Variants in FAM81A observed in about 807,000 individuals in gnomAD.
The protein encoded by FAM81A is protein FAM81A.
FAM81A carries 19 observed loss-of-function variants against 46.7 expected under a neutral mutation model. That is an observed-to-expected ratio of 0.41 (90% CI 0.28 to 0.60). The LOEUF (loss-of-function observed/expected upper bound fraction) is 0.60. Ranked by LOEUF, FAM81A falls within the 20% of genes least tolerant of loss-of-function variation. FAM81A has a pLI of 0.34. For missense variants in FAM81A, 377 were observed against 453.5 expected (o/e 0.83, Z 1.53); for synonymous variants, 183 against 152.9 (o/e 1.20, Z -1.45).
intron 4 of FAM81A, among the ~76,000 whole-genome samples, chr15:59,500,029 T>C (rs2082075082): frequency 6.6e-6 from 1 of 151,674 alleles, no homozygotes; most frequent in Non-Finnish European, 1.5e-5. Context: ...ATTTATGTAT[T>C]GTTGGTCGAG....
chr15:59,484,376 A>G (rs1229688530), intron 3 of FAM81A, among the ~76,000 whole-genome samples: 1 of 152,182 alleles, frequency 6.6e-6, no homozygotes, highest in African/African-American at 2.4e-5. Flanking sequence ...TCTACAAAAT[A>G]AAGCACCTTC....
intron 1 of FAM81A, among the ~76,000 whole-genome samples, chr15:59,445,729 G>A (rs1375332563): frequency 1.3e-5 from 2 of 152,206 alleles, no homozygotes; most frequent in African/African-American, 4.8e-5. Flanking sequence ...AGAGCACACA[G>A]AATCGTGCTT....
At chr15:59,445,234 C>G (rs2081341833) in intron 1 of FAM81A, 1 of 152,182 alleles carries the variant, frequency 6.6e-6, no homozygotes, top group African/African-American at 2.4e-5. Flanking sequence ...AAGACATTCT[C>G]TCTGGATGAA....
chr15:59,505,757 C>T (rs2082142728), intron 4 of FAM81A, among the ~76,000 whole-genome samples: 1 of 152,154 alleles, frequency 6.6e-6, no homozygotes. Flanking sequence ...GCAATGACGT[C>T]TGGGAAGTAT....
At chr15:59,474,648 C>T (rs1276718617) in intron 3 of FAM81A, among the ~76,000 whole-genome samples, 1 of 152,158 alleles carries the variant, frequency 6.6e-6, no homozygotes, top group Non-Finnish European at 1.5e-5. Flanking sequence ...TCAGCAAATA[C>T]TTATTAAGTG....
In FAM81A at chr15:59,460,086, T is replaced by C. The variant is rs767401501; in HGVS notation, c.174T>C (p.Ile58=). The C allele has an allele frequency of 6.2e-7, 1 of 1,613,882 alleles. No homozygotes were observed. The highest frequency in any genetic ancestry group is 1.1e-5 in the South Asian group (1 of 91,074). ...VEHAFRIKDD[I]VNSLQKMQNK... ...ACGCCTTTCGGATTAAAGATGACAT[T>C]GTCAACAGTTTGCAGAAAATGCAAA... The change falls in exon 3 of 9, where the codon ATT becomes ATC. Residue 58 remains isoleucine (I), a synonymous_variant. Transcript: ENST00000288228. This position sits in a 1 kb window ranked among gnomAD's most constrained non-coding sequence, Gnocchi z 4.4.
intron 4 of FAM81A, among the ~76,000 whole-genome samples, chr15:59,502,574 C>CA (rs2082105220): frequency 6.6e-6 from 1 of 151,496 alleles, no homozygotes; most frequent in African/African-American, 2.4e-5. Context: ...AGTGCAATGG[C>CA]GCGATCTCGG....
intron 2 of FAM81A, among the ~76,000 whole-genome samples, chr15:59,409,614 G>A (rs771600342): frequency 4.6e-5 from 7 of 152,044 alleles, no homozygotes; most frequent in African/African-American, 9.7e-5. Flanking sequence ...CAAGACAGAC[G>A]TGAAAAAAAG....
intron 3 of FAM81A, among the ~76,000 whole-genome samples, chr15:59,465,840 C>T (rs1172146809): frequency 1.3e-5 from 2 of 152,084 alleles, no homozygotes; most frequent in South Asian, 2.1e-4. Context: ...TGCTATCCCG[C>T]CCCCAGCCCC....
chr15:59,443,688 T>G (rs1237188703), intron 1 of FAM81A, among the ~76,000 whole-genome samples: 1 of 152,204 alleles, frequency 6.6e-6, no homozygotes, highest in African/African-American at 2.4e-5. Context: ...TTATTCTGAC[T>G]TTCTGTTCCT....
intron 1 of FAM81A, among the ~76,000 whole-genome samples, chr15:59,457,160 C>A (rs931093303): frequency 3.9e-5 from 6 of 152,188 alleles, no homozygotes; most frequent in Admixed American, 2.6e-4. Context: ...CAACCATGGT[C>A]AAAAATATTA....
At chr15:59,511,095 CAAAA>C (rs1324983523) in intron 6 of FAM81A, among the ~76,000 whole-genome samples, 3 of 151,240 alleles carry the variant, frequency 2.0e-5, no homozygotes, top group African/African-American at 7.3e-5. Flanking sequence ...GACTCCATCT[CAAAA>C]AAAGAAAACG....
chr15:59,421,786 T>C (rs62015054), intron 2 of FAM81A, among the ~76,000 whole-genome samples: 25,652 of 142,594 alleles, frequency 0.18, 2,904 homozygotes, highest in South Asian at 0.34. Context: ...TATCTATCTA[T>C]CTATCTACCT....
At chr15:59,417,964 T>G (rs552039239) in intron 2 of FAM81A, among the ~76,000 whole-genome samples, 1 of 152,010 alleles carries the variant, frequency 6.6e-6, no homozygotes, top group Non-Finnish European at 1.5e-5. Flanking sequence ...ATGTTCCCCT[T>G]CCTGTGTCCA....
Position 59,492,976 on chromosome 15 carries a change from G to C in FAM81A, c.413+587G>C, listed in dbSNP as rs117910370. Among the ~76,000 whole-genome samples the C allele has an allele frequency of 6.6e-3, 1,012 of 152,258 alleles. 6 individuals carry two copies. The highest frequency in any genetic ancestry group is 0.011 in the Non-Finnish European group (734 of 68,012). On this transcript the variant is annotated intron_variant, in intron 4 of 8. Coordinates refer to ENST00000288228, the MANE Select transcript of FAM81A (RefSeq NM_152450.3). ...TGAATTCATATGCATGGGAAAGTCC[G>C]GGAAGCACTGTACCAGGACTGTGTC... is the stretch of plus-strand genomic sequence containing the variant.
chr15:59,406,737 C>T (rs1165324432), intron 2 of FAM81A, among the ~76,000 whole-genome samples: 4 of 152,132 alleles, frequency 2.6e-5, no homozygotes, highest in Admixed American at 6.5e-5. Flanking sequence ...GAAATGAAAT[C>T]ATCCTGCACG....
At chr15:59,484,697 G>T (rs532754842) in intron 3 of FAM81A, among the ~76,000 whole-genome samples, 1 of 152,218 alleles carries the variant, frequency 6.6e-6, no homozygotes. Context: ...TTTCACAGCC[G>T]TGGTGGCTGT....
upstream of FAM81A, among the ~76,000 whole-genome samples, chr15:59,435,546 G>A (rs2081239596): frequency 6.6e-6 from 1 of 152,214 alleles, no homozygotes; most frequent in Non-Finnish European, 1.5e-5. Flanking sequence ...CCTGAACCCA[G>A]GAGGCAGAGG....
chr15:59,432,565 G>C (rs2081225153), intron 2 of FAM81A, among the ~76,000 whole-genome samples: 1 of 152,176 alleles, frequency 6.6e-6, no homozygotes, highest in Admixed American at 6.5e-5. Context: ...GCACAGCTGT[G>C]ACATCAGAGG....
Sources: allele counts gnomAD v4.1 joint callset (sites outside exome capture counted in the v4.1 genomes callset), GRCh38; gene constraint gnomAD v4.1.1; non-coding constraint Gnocchi (gnomAD v3.1); transcripts MANE v1.5; gene names NCBI Gene and HGNC (gene_info 2026-07-23, HGNC 2026-07-21).